NELL1: variants seen among roughly 807,000 people sequenced by gnomAD.
NELL1 encodes the protein protein kinase C-binding protein NELL1.
NELL1 carries 76 observed loss-of-function variants against 107.4 expected under a neutral mutation model. The ratio of observed to expected loss-of-function variants is 0.71; its 90% CI spans 0.59 to 0.86. NELL1 has a LOEUF of 0.86. NELL1 is among the 40% of genes least tolerant of loss of function. The probability of loss-of-function intolerance (pLI) is 0.00; values close to 1 mark genes in which losing one functional copy is unlikely to be tolerated. For missense variants in NELL1, 1,024 were observed against 1,005.5 expected (o/e 1.02, Z -0.25); for synonymous variants, 353 against 341.2 (o/e 1.03, Z -0.38).
chr11:20,792,325 T>C (rs752348233), intron 3 of NELL1, among the ~76,000 whole-genome samples: 1 of 151,990 alleles, frequency 6.6e-6, no homozygotes, highest in Non-Finnish European at 1.5e-5. Context: ...TTTTATGATA[T>C]GGTCTGGAAT....
At chr11:21,049,564 T>C (rs1203565633) in intron 12 of NELL1, among the ~76,000 whole-genome samples, 1 of 152,132 alleles carries the variant, frequency 6.6e-6, no homozygotes, top group Non-Finnish European at 1.5e-5. Context: ...GAGAACTAGA[T>C]TGCATTTGAT....
In NELL1 at chr11:21,257,115, G is replaced by A. The variant is rs186793300; in HGVS notation, c.1549+27661G>A. Among the ~76,000 whole-genome samples the A allele has an allele frequency of 1.4e-4, 22 of 152,128 alleles. No homozygotes were observed. In the South Asian group the frequency reaches 1.7e-3, roughly 11 times the overall value. On this transcript the variant is annotated intron_variant, in intron 14 of 19. Transcript: ENST00000357134. ...GCAGTGGGAAGTCAGGCAGGTGTGT[G>A]TCAAAATGGTAAGACCCAAGGAGAT... is the stretch of plus-strand genomic sequence containing the variant.
chr11:21,143,046 G>C (rs1485857342), intron 13 of NELL1, among the ~76,000 whole-genome samples: 3 of 152,162 alleles, frequency 2.0e-5, no homozygotes, highest in Non-Finnish European at 4.4e-5. Context: ...AACCCAAGTG[G>C]GATGTAGGGA....
At chr11:20,995,760 G>T (rs1031852696) in intron 12 of NELL1, among the ~76,000 whole-genome samples, 1 of 152,006 alleles carries the variant, frequency 6.6e-6, no homozygotes, top group African/African-American at 2.4e-5. Context: ...TTTCATGCTG[G>T]GCAGTGTGGG....
intron 4 of NELL1, among the ~76,000 whole-genome samples, chr11:20,866,844 T>C (rs1195238483): frequency 6.6e-6 from 1 of 152,186 alleles, no homozygotes; most frequent in East Asian, 1.9e-4. Context: ...CCTGTAACCC[T>C]TGCCTCCAAT....
intron 14 of NELL1, among the ~76,000 whole-genome samples, chr11:21,350,321 A>G (rs1850778058): frequency 6.6e-6 from 1 of 152,054 alleles, no homozygotes. Flanking sequence ...AGTAATGGCT[A>G]ATAAAAGAAG....
intron 14 of NELL1, chr11:21,260,559 C>G (rs1218009232): frequency 2.0e-5 from 3 of 151,840 alleles, no homozygotes; most frequent in Non-Finnish European, 2.9e-5. Context: ...CATTCTTATC[C>G]TTTGACGTCT....
intron 13 of NELL1, among the ~76,000 whole-genome samples, chr11:21,209,940 T>C (rs1174219331): frequency 6.6e-6 from 1 of 152,176 alleles, no homozygotes; most frequent in Non-Finnish European, 1.5e-5. Context: ...TCTGCTTCTA[T>C]ACATATGCTT....
intron 15 of NELL1, among the ~76,000 whole-genome samples, chr11:21,415,537 GTGTT>G (rs1350045893): frequency 1.3e-5 from 2 of 151,906 alleles, no homozygotes; most frequent in African/African-American, 4.8e-5. Flanking sequence ...ATTGTTTCTT[GTGTT>G]TGTTTGTTTT....
At chr11:20,728,972 A>G (rs1332362330) in intron 2 of NELL1, among the ~76,000 whole-genome samples, 1 of 152,084 alleles carries the variant, frequency 6.6e-6, no homozygotes, top group East Asian at 1.9e-4. Context: ...TGTGTCATCT[A>G]TGATTTCCTT....
intron 14 of NELL1, among the ~76,000 whole-genome samples, chr11:21,334,193 C>T (rs768534151): frequency 1.3e-5 from 2 of 151,796 alleles, no homozygotes; most frequent in Non-Finnish European, 2.9e-5. Context: ...ATAAAAAGAA[C>T]ATAGGTATAA....
chr11:21,365,558 T>G (rs1468123418), intron 14 of NELL1, among the ~76,000 whole-genome samples: 1 of 152,170 alleles, frequency 6.6e-6, no homozygotes, highest in African/African-American at 2.4e-5. Context: ...TCATTATTAT[T>G]ATGATTACTG....
chr11:20,954,892 G>A (rs1219283966), intron 11 of NELL1, among the ~76,000 whole-genome samples: 3 of 152,118 alleles, frequency 2.0e-5, no homozygotes, highest in Non-Finnish European at 4.4e-5. Context: ...CTGTTTGAAG[G>A]GCTTTGTTCC....
chr11:21,140,098 A>G (rs1213808280), intron 13 of NELL1, among the ~76,000 whole-genome samples: 1 of 152,160 alleles, frequency 6.6e-6, no homozygotes, highest in African/African-American at 2.4e-5. Flanking sequence ...TCACTTCTGA[A>G]CTAAACACCG....
intron 14 of NELL1, among the ~76,000 whole-genome samples, chr11:21,320,337 A>G (rs1435262766): frequency 6.6e-6 from 1 of 152,224 alleles, no homozygotes; most frequent in African/African-American, 2.4e-5. Context: ...GATCATGGGA[A>G]GAGATGGAAG....
In NELL1 at chr11:20,995,021, G is replaced by A. The variant is rs964196484; in HGVS notation, c.1300+34461G>A. Among the ~76,000 whole-genome samples, 3 of 152,216 alleles carry A rather than the reference G, an allele frequency of 2.0e-5. No homozygotes were observed. In the East Asian group the frequency reaches 5.8e-4, roughly 29 times the overall value. On this transcript the variant is annotated intron_variant, in intron 12 of 19. Coordinates refer to ENST00000357134, the MANE Select transcript of NELL1 (RefSeq NM_006157.5). ...AAGTGGCAACAGGAGAGATACCCTG[G>A]TGGAAACTTTTTTTCTCTTTCTACT...
intron 14 of NELL1, among the ~76,000 whole-genome samples, chr11:21,261,870 T>TA (rs1848540773): frequency 6.6e-6 from 1 of 151,942 alleles, no homozygotes; most frequent in Non-Finnish European, 1.5e-5. Context: ...TCAATGCTTT[T>TA]AACAGATTCA....
chr11:21,314,095 C>T (rs546215045), intron 14 of NELL1, among the ~76,000 whole-genome samples: 2 of 149,970 alleles, frequency 1.3e-5, no homozygotes, highest in South Asian at 4.3e-4. Context: ...CCTGAGGCCT[C>T]CCCAGGAGCA....
intron 17 of NELL1, among the ~76,000 whole-genome samples, chr11:21,561,099 C>G (rs541130090): frequency 7.5e-4 from 114 of 152,142 alleles, no homozygotes; most frequent in African/African-American, 2.6e-3. Flanking sequence ...TGTTATTGCT[C>G]TACTGTAGCT....
Sources: gnomAD v4.1 joint callset for allele counts (sites outside exome capture counted in the v4.1 genomes callset) on GRCh38, gnomAD v4.1.1 for gene constraint, MANE v1.5 for transcripts, NCBI Gene and HGNC (gene_info 2026-07-23, HGNC 2026-07-21) for gene names.